Variants in HMG20A observed in about 807,000 individuals in gnomAD.
The protein encoded by HMG20A is high mobility group 20A, also known as high mobility group protein 20A.
HMG20A carries 17 observed loss-of-function variants against 43.9 expected under a neutral mutation model. The observed-to-expected ratio is 0.39, with a 90% CI of 0.27 to 0.58. The LOEUF (loss-of-function observed/expected upper bound fraction) is 0.58. Among genes scored for constraint, HMG20A ranks in the 20% least tolerant of loss-of-function variants. The pLI, the probability that HMG20A is intolerant of heterozygous loss-of-function variation, is 0.59. For synonymous variants in HMG20A, 132 were observed against 147.5 expected, an observed-to-expected ratio of 0.89 and a Z score of 0.76; for missense variants, 341 against 438.2, an observed-to-expected ratio of 0.78 and a Z score of 1.98.
At chr15:77,450,599 A>G (rs1194299591) in intron 1 of HMG20A, among the ~76,000 whole-genome samples, 1 of 152,242 alleles carries the variant, frequency 6.6e-6, no homozygotes, top group Non-Finnish European at 1.5e-5. Context: ...ACTTATTTGC[A>G]CATAAGTACT....
chr15:77,491,470 C>G, the HMG20A span, among the ~76,000 whole-genome samples: 33,451 of 152,116 alleles, frequency 0.22, 4,151 homozygotes, highest in Middle Eastern at 0.3. Context: ...TTTTATTCAT[C>G]CCTCAGAAGA....
rs1160703706 is a variant in HMG20A at position 77,477,629 on chromosome 15, A to G, written c.690A>G (p.Lys230=). Residue 230 remains lysine (K), a splice_region_variant and synonymous_variant, in exon 7 of 10, where the codon AAA becomes AAG. Transcript: ENST00000336216. Reference sequence around the variant, plus strand: ...CAGAGGAATTCTTGAACCATAGCAAAGGTGATTACTGAAGTTTCTTTTTGT... The same window carrying G: ...CAGAGGAATTCTTGAACCATAGCAAGGGTGATTACTGAAGTTTCTTTTTGT... ...IFTEEFLNHS[K]AREAELRQLR... 6.2e-7 allele frequency: 1 copy of G among 1,600,784 alleles called. No individual in the cohort carries two copies. Among genetic ancestry groups the G allele is most frequent in the Admixed American group, 1.7e-5 (1 of 59,180 alleles).
intron 1 of HMG20A, among the ~76,000 whole-genome samples, chr15:77,437,593 C>T (rs1295043580): frequency 2.0e-5 from 3 of 152,034 alleles, no homozygotes; most frequent in Non-Finnish European, 4.4e-5. Flanking sequence ...TTTTTTGAGA[C>T]GGAGTTTCAC....
chr15:77,452,026 G>A (rs1391029665), intron 1 of HMG20A, among the ~76,000 whole-genome samples: 1 of 152,206 alleles, frequency 6.6e-6, no homozygotes, highest in Non-Finnish European at 1.5e-5. Context: ...AACATTTAGA[G>A]AATATATTGA....
At chr15:77,474,782 C>T (rs1444120201) in intron 6 of HMG20A, among the ~76,000 whole-genome samples, 1 of 152,158 alleles carries the variant, frequency 6.6e-6, no homozygotes, top group Non-Finnish European at 1.5e-5. Flanking sequence ...ATGTTAAGAG[C>T]ATTTCCCAAA....
chr15:77,454,556 A>G (rs912226711), intron 1 of HMG20A, among the ~76,000 whole-genome samples: 2 of 152,202 alleles, frequency 1.3e-5, no homozygotes, highest in African/African-American at 2.4e-5. Flanking sequence ...AGTGATTACT[A>G]AGAGCATAGA....
Position 77,467,150 on chromosome 15 carries a change from G to T in HMG20A, c.293G>T (p.Arg98Leu). The change falls in exon 4 of 10, where the codon CGA (arginine) becomes CTA (leucine). Residue 98 changes from arginine to leucine, a missense_variant. Physicochemically the swap from Arg to Leu is moderately radical, Grantham distance 102. Transcript: ENST00000336216. Reference protein sequence around the residue: ...SKGRKRKKPLRDSNAPKSPLT... With the variant: ...SKGRKRKKPLLDSNAPKSPLT... Reference sequence around the variant, plus strand: ...GGAAGAAAGAGGAAGAAACCTCTTCGAGACAGCAATGCACCCAAATCCCCC... The same window carrying T: ...GGAAGAAAGAGGAAGAAACCTCTTCTAGACAGCAATGCACCCAAATCCCCC... The T allele has an allele frequency of 2.5e-6, 4 of 1,614,080 alleles. No individual in the cohort carries two copies. Among genetic ancestry groups the T allele is most frequent in the Non-Finnish European group, 3.4e-6 (4 of 1,179,988 alleles).
At chr15:77,471,956 T>C (rs1180927633) in intron 6 of HMG20A, 142 bp downstream of exon 6, 1 of 537,588 alleles carries the variant, frequency 1.9e-6, no homozygotes, top group African/African-American at 2.0e-5. Context: ...TACTTTAGCT[T>C]GGGGGTTCTT....
the HMG20A span, among the ~76,000 whole-genome samples, chr15:77,494,605 G>A: frequency 2.7e-3 from 411 of 152,264 alleles, 7 homozygotes; most frequent in East Asian, 0.034. Context: ...CTTTGCAGCC[G>A]TAAAGAGGAT....
the HMG20A span, among the ~76,000 whole-genome samples, chr15:77,493,784 C>T: frequency 6.6e-6 from 1 of 152,116 alleles, no homozygotes; most frequent in Non-Finnish European, 1.5e-5. Context: ...TTGTGCTTCA[C>T]ATGGATGGTC....
the HMG20A span, among the ~76,000 whole-genome samples, chr15:77,503,152 T>G: frequency 1.3e-5 from 2 of 152,182 alleles, no homozygotes; most frequent in Non-Finnish European, 2.9e-5. Context: ...CCCCATGAAG[T>G]GCTGAAGACA....
chr15:77,492,518 G>A, the HMG20A span, among the ~76,000 whole-genome samples: 2 of 152,164 alleles, frequency 1.3e-5, no homozygotes, highest in African/African-American at 2.4e-5. Context: ...AAAATAGCCA[G>A]GATGGAAGGT....
intron 1 of HMG20A, among the ~76,000 whole-genome samples, chr15:77,434,830 G>A (rs1046772662): frequency 2.0e-5 from 3 of 152,030 alleles, no homozygotes; most frequent in Non-Finnish European, 2.9e-5. Context: ...AAACAATTTG[G>A]CCGTATATTC....
chr15:77,462,772 CTTT>C (rs71145836), intron 2 of HMG20A, among the ~76,000 whole-genome samples: 13 of 127,786 alleles, frequency 1.0e-4, no homozygotes, highest in East Asian at 4.4e-4. Context: ...TTTTCTTTTT[CTTT>C]TTTTTTTTTT....
At chr15:77,507,819 G>A in the HMG20A span, among the ~76,000 whole-genome samples, 3 of 152,088 alleles carry the variant, frequency 2.0e-5, no homozygotes, top group Non-Finnish European at 4.4e-5. Flanking sequence ...GGGAGTGAAG[G>A]CACAGGGGTG....
chr15:77,445,572 T>C (rs1290334338), intron 1 of HMG20A, among the ~76,000 whole-genome samples: 1 of 151,704 alleles, frequency 6.6e-6, no homozygotes, highest in Admixed American at 6.6e-5. Flanking sequence ...GCATTTGTGA[T>C]TTTTTTTTCC....
At chr15:77,476,592 T>C (rs2072859139) in intron 6 of HMG20A, among the ~76,000 whole-genome samples, 1 of 151,994 alleles carries the variant, frequency 6.6e-6, no homozygotes, top group South Asian at 2.1e-4. Context: ...CTAGGTATTA[T>C]GTTTGCATGT....
intron 1 of HMG20A, among the ~76,000 whole-genome samples, chr15:77,431,553 T>C (rs759636863): frequency 6.6e-6 from 1 of 152,172 alleles, no homozygotes; most frequent in Non-Finnish European, 1.5e-5. Flanking sequence ...TATATGTATT[T>C]ATCATGTACA....
chr15:77,510,996 C>T, the HMG20A span, among the ~76,000 whole-genome samples: 1 of 152,220 alleles, frequency 6.6e-6, no homozygotes, highest in African/African-American at 2.4e-5. Flanking sequence ...CCCAACACTT[C>T]GTGAAAGCAG....
Sources: gnomAD v4.1 joint callset for allele counts (sites outside exome capture counted in the v4.1 genomes callset) on GRCh38, gnomAD v4.1.1 for gene constraint, MANE v1.5 for transcripts, NCBI Gene and HGNC (gene_info 2026-07-23, HGNC 2026-07-21) for gene names.